AKAP19: variants seen among roughly 807,000 people sequenced by gnomAD.
The protein encoded by AKAP19 is A-kinase anchoring protein 19, also known as small A-kinase anchoring protein.
chr2:189,958,579 T>A, the AKAP19 span, among the ~76,000 whole-genome samples: 2 of 150,058 alleles, frequency 1.3e-5, no homozygotes, highest in South Asian at 4.2e-4. Flanking sequence ...TCTAAATGTG[T>A]GTGTGTATAT....
the AKAP19 span, among the ~76,000 whole-genome samples, chr2:190,197,678 C>G: frequency 2.0e-3 from 310 of 152,346 alleles, 2 homozygotes; most frequent in African/African-American, 6.4e-3. The surrounding 1 kb of genome is among the most constrained non-coding windows in gnomAD (Gnocchi z 4.0). Context: ...TGTTTTTCTT[C>G]TCTCAGGGAT....
At chr2:190,197,280 G>T in the AKAP19 span, among the ~76,000 whole-genome samples, 4 of 152,242 alleles carry the variant, frequency 2.6e-5, no homozygotes, top group African/African-American at 9.6e-5. This position sits in a 1 kb window ranked among gnomAD's most constrained non-coding sequence, Gnocchi z 4.0. Flanking sequence ...CTAAGGTGTC[G>T]CATTTCTTGA....
the AKAP19 span, among the ~76,000 whole-genome samples, chr2:189,890,801 C>T: frequency 1.3e-5 from 2 of 152,056 alleles, no homozygotes; most frequent in East Asian, 3.8e-4. Flanking sequence ...TTATTTTGAG[C>T]CTATATGTGT....
At chr2:190,089,008 G>GT in the AKAP19 span, among the ~76,000 whole-genome samples, 1 of 152,132 alleles carries the variant, frequency 6.6e-6, no homozygotes, top group Admixed American at 6.6e-5. Flanking sequence ...CCTGACTTAG[G>GT]TTTTTAGTTT....
chr2:190,053,623 T>C, the AKAP19 span, among the ~76,000 whole-genome samples: 15 of 152,308 alleles, frequency 9.8e-5, no homozygotes, highest in African/African-American at 3.6e-4. Flanking sequence ...TTCAACACTT[T>C]ATGTCACATG....
chr2:190,160,279 C>A, the AKAP19 span, among the ~76,000 whole-genome samples: 1 of 152,118 alleles, frequency 6.6e-6, no homozygotes, highest in East Asian at 1.9e-4. Context: ...CTAATATCCC[C>A]AAACTCTACT....
the AKAP19 span, among the ~76,000 whole-genome samples, chr2:190,157,393 C>CACACACACACACACACACACAT: frequency 1.4e-3 from 207 of 149,344 alleles, 1 homozygote; most frequent in African/African-American, 4.4e-3. Flanking sequence ...CACACACACA[C>CACACACACACACACACACACAT]ATATCACAGG....
the AKAP19 span, among the ~76,000 whole-genome samples, chr2:190,183,142 CT>C: frequency 5.9e-5 from 9 of 152,180 alleles, no homozygotes; most frequent in Non-Finnish European, 1.2e-4. Flanking sequence ...GTTTTGGAGT[CT>C]GGCCCTGATA....
chr2:189,887,761 G>A, the AKAP19 span, among the ~76,000 whole-genome samples: 1 of 151,984 alleles, frequency 6.6e-6, no homozygotes, highest in Non-Finnish European at 1.5e-5. Context: ...CCACATAAAT[G>A]TCTTCTTTTG....
the AKAP19 span, among the ~76,000 whole-genome samples, chr2:190,186,994 C>G: frequency 6.6e-6 from 1 of 152,124 alleles, no homozygotes; most frequent in African/African-American, 2.4e-5. This position sits in a 1 kb window ranked among gnomAD's most constrained non-coding sequence, Gnocchi z 5.5. Flanking sequence ...CACCTGCTAC[C>G]ATGCCCAGCT....
the AKAP19 span, among the ~76,000 whole-genome samples, chr2:189,921,401 T>C: frequency 1.3e-5 from 2 of 152,190 alleles, no homozygotes; most frequent in South Asian, 2.1e-4. Context: ...CCTGTGACCA[T>C]TGGATTTGAC....
the AKAP19 span, among the ~76,000 whole-genome samples, chr2:190,060,905 CT>C: frequency 2.6e-5 from 4 of 151,982 alleles, no homozygotes; most frequent in Non-Finnish European, 5.9e-5. Flanking sequence ...GAGCAACTTA[CT>C]GAGCCTCAGG....
chr2:190,017,552 C>A, the AKAP19 span, among the ~76,000 whole-genome samples: 1 of 152,072 alleles, frequency 6.6e-6, no homozygotes, highest in Non-Finnish European at 1.5e-5. Flanking sequence ...CATTTTTACT[C>A]CCCTCCGCCA....
the AKAP19 span, among the ~76,000 whole-genome samples, chr2:190,099,052 C>T: frequency 1.3e-5 from 2 of 152,188 alleles, no homozygotes; most frequent in Admixed American, 6.5e-5. Context: ...TCTGTCTCAA[C>T]CACTCAAACT....
the AKAP19 span, among the ~76,000 whole-genome samples, chr2:190,082,949 A>C: frequency 6.6e-6 from 1 of 152,228 alleles, no homozygotes; most frequent in East Asian, 1.9e-4. Flanking sequence ...TAAATTGACA[A>C]GTAAAAATTG....
the AKAP19 span, among the ~76,000 whole-genome samples, chr2:190,070,622 C>CG: frequency 7.0e-3 from 958 of 136,720 alleles, 10 homozygotes; most frequent in African/African-American, 0.025. Context: ...TCTCCCCCCC[C>CG]CCTTTTTTTT....
At chr2:190,152,794 C>T in the AKAP19 span, among the ~76,000 whole-genome samples, 1 of 151,974 alleles carries the variant, frequency 6.6e-6, no homozygotes, top group African/African-American at 2.4e-5. Flanking sequence ...CTTTTATATC[C>T]TTTTTATTAG....
chr2:190,193,102 C>T, the AKAP19 span, among the ~76,000 whole-genome samples: 1 of 152,026 alleles, frequency 6.6e-6, no homozygotes, highest in Admixed American at 6.5e-5. Flanking sequence ...AAAGTGTTGT[C>T]TTTCACCACT....
chr2:190,054,346 G>T, the AKAP19 span, among the ~76,000 whole-genome samples: 1 of 151,726 alleles, frequency 6.6e-6, no homozygotes, highest in Admixed American at 6.6e-5. Flanking sequence ...AATTCAAGAT[G>T]GATTAAAGAC....
Sources: gnomAD v4.1 joint callset for allele counts (sites outside exome capture counted in the v4.1 genomes callset) on GRCh38, gnomAD v4.1.1 for gene constraint, Gnocchi (gnomAD v3.1) non-coding constraint, MANE v1.5 for transcripts, NCBI Gene and HGNC (gene_info 2026-07-23, HGNC 2026-07-21) for gene names.